The following UBE4B variants were observed in gnomAD, a reference collection of about 807,000 sequenced individuals.
UBE4B encodes the protein ubiquitin conjugation factor E4 B.
In UBE4B, 27 loss-of-function variants were observed where a neutral mutation model predicts 148.1. The ratio of observed to expected loss-of-function variants is 0.18; its 90% CI spans 0.13 to 0.25. UBE4B has a LOEUF of 0.25. Among genes scored for constraint, UBE4B ranks in the 10% least tolerant of loss-of-function variants. The pLI is 1.00. For missense variants in UBE4B, 1,170 were observed against 1,662.4 expected (o/e 0.70, Z 5.15); for synonymous variants, 596 against 619.3 (o/e 0.96, Z 0.56).
chr1:10,172,470 A>T (rs944859101), intron 25 of UBE4B, among the ~76,000 whole-genome samples: 6 of 152,200 alleles, frequency 3.9e-5, no homozygotes, highest in African/African-American at 1.4e-4. Context: ...GGACAGAGGC[A>T]TGATCCATGT....
intron 25 of UBE4B, among the ~76,000 whole-genome samples, chr1:10,173,659 G>T (rs1646371520): frequency 6.6e-6 from 1 of 152,136 alleles, no homozygotes; most frequent in South Asian, 2.1e-4. Flanking sequence ...ACTGTAGCTG[G>T]CGTCTCCAGC....
At chr1:10,100,132 G>A (rs559394546) in intron 3 of UBE4B, among the ~76,000 whole-genome samples, 4 of 152,146 alleles carry the variant, frequency 2.6e-5, no homozygotes, top group South Asian at 4.1e-4. Flanking sequence ...TGGGCCTACA[G>A]GTGCCCACCA....
chr1:10,101,456 A>T (rs1398226899), intron 4 of UBE4B, among the ~76,000 whole-genome samples: 1 of 148,476 alleles, frequency 6.7e-6, no homozygotes, highest in African/African-American at 2.5e-5. Context: ...TGTAATAGGA[A>T]CTAATTTAGA....
Position 10,149,978 on chromosome 1 carries a change from AAAAT to A in UBE4B, c.2690+710_2690+713del, listed in dbSNP as rs970822811. On this transcript the variant is annotated intron_variant, in intron 20 of 27. Coordinates refer to ENST00000343090, the MANE Select transcript of UBE4B (RefSeq NM_001105562.3). ...ATGCAGCAAGTCTGCATCTCTTTAA[AAAAT>A]AAATAAATAAATAGTATAGGTCCCC... 2.2e-4 allele frequency among the ~76,000 whole-genome samples: 33 copies of A among 152,326 alleles called. 1 individual carries two copies. Among genetic ancestry groups the A allele is most frequent in the African/African-American group, 6.7e-4 (28 of 41,576 alleles).
intron 1 of UBE4B, among the ~76,000 whole-genome samples, chr1:10,043,595 T>G (rs546288816): frequency 6.6e-6 from 1 of 151,366 alleles, no homozygotes; most frequent in African/African-American, 2.4e-5. Context: ...CCTGACTAAT[T>G]TTTTTTGTAT....
At chr1:10,060,418 T>C (rs1366996047) in intron 1 of UBE4B, among the ~76,000 whole-genome samples, 1 of 152,016 alleles carries the variant, frequency 6.6e-6, no homozygotes, top group Non-Finnish European at 1.5e-5. Context: ...AAAGGAACAG[T>C]AAAAATATGG....
intron 1 of UBE4B, among the ~76,000 whole-genome samples, chr1:10,057,857 A>T (rs2101806148): frequency 6.6e-6 from 1 of 152,154 alleles, no homozygotes; most frequent in Non-Finnish European, 1.5e-5. Flanking sequence ...GTTCTCAAGG[A>T]GGAGGAAGGT....
intron 3 of UBE4B, chr1:10,100,904 A>AG: frequency 1.9e-6 from 1 of 537,930 alleles, no homozygotes; most frequent in Admixed American, 3.4e-5. Flanking sequence ...CTTAGGAAAA[A>AG]TATTTCCAAC....
intron 2 of UBE4B, among the ~76,000 whole-genome samples, chr1:10,090,139 A>G (rs1462436290): frequency 2.0e-5 from 3 of 149,778 alleles, no homozygotes; most frequent in Admixed American, 6.6e-5. Context: ...TTTTTTTTTT[A>G]GGCATGGTTT....
Position 10,167,486 on chromosome 1 carries a change from AGTT to A in UBE4B, c.3199-649_3199-647del, listed in dbSNP as rs1232449045. Among the ~76,000 whole-genome samples the A allele has an allele frequency of 4.1e-5, 6 of 145,586 alleles. No individual in the cohort carries two copies. In the South Asian group the frequency reaches 1.3e-3, roughly 31 times the overall value. On this transcript the variant is annotated intron_variant, in intron 23 of 27. Transcript: ENST00000343090. ...ATAATAATAATAATGACTAAGTAAA[AGTT>A]ATTATTAAGGGAAATAAACTACCCT...
rs543930707 is a variant in UBE4B at position 10,167,268 on chromosome 1, C to T, written c.3199-868C>T. Among the ~76,000 whole-genome samples, 197 of 151,746 alleles carry T rather than the reference C, an allele frequency of 1.3e-3. 1 individual carries two copies. The East Asian group carries it at 0.026, about 20-fold the overall frequency. ...CAGCCTGACCAACATGGAGAAACCCCGTCTCTACTAAAAATACAGAATTAG... is the reference window on the plus strand; with the variant it reads ...CAGCCTGACCAACATGGAGAAACCCTGTCTCTACTAAAAATACAGAATTAG... On this transcript the variant is annotated intron_variant, in intron 23 of 27. Transcript: ENST00000343090.
At chr1:10,147,480 G>A (rs934874935) in intron 19 of UBE4B, among the ~76,000 whole-genome samples, 1 of 151,930 alleles carries the variant, frequency 6.6e-6, no homozygotes, top group Admixed American at 6.6e-5. Flanking sequence ...GCGACAGAGC[G>A]AGACTCTGTC....
intron 2 of UBE4B, among the ~76,000 whole-genome samples, chr1:10,077,092 CT>C (rs1557533239): frequency 6.6e-6 from 1 of 152,086 alleles, no homozygotes; most frequent in East Asian, 1.9e-4. Flanking sequence ...TTTCCTAGGG[CT>C]GCTGTAACAA....
At chr1:10,152,880 A>G (rs1052361593) in intron 21 of UBE4B, among the ~76,000 whole-genome samples, 6 of 151,828 alleles carry the variant, frequency 4.0e-5, no homozygotes, top group Non-Finnish European at 5.9e-5. Flanking sequence ...CTGGGGACCC[A>G]AGGGAAGAGC....
intron 2 of UBE4B, among the ~76,000 whole-genome samples, chr1:10,081,494 G>T (rs1644679861): frequency 6.6e-6 from 1 of 151,542 alleles, no homozygotes; most frequent in African/African-American, 2.4e-5. Context: ...ATGGAATCTC[G>T]AATCACTGCT....
At chr1:10,089,285 A>G (rs1035025581) in intron 2 of UBE4B, among the ~76,000 whole-genome samples, 2 of 152,168 alleles carry the variant, frequency 1.3e-5, no homozygotes, top group Non-Finnish European at 2.9e-5. Flanking sequence ...GACTACAGGC[A>G]TGAGCCACCG....
At position 10,137,139 on chromosome 1, in the gene UBE4B, A is replaced by G; in HGVS notation, c.2297A>G (p.His766Arg). Residue 766 changes from histidine to arginine, a missense_variant, in exon 17 of 28, where the codon CAC becomes CGC. His to Arg is a conservative substitution (Grantham distance 29). Around this residue, in one of 6 missense-constraint regions of UBE4B, gnomAD observed 388 missense variants for 536.0 expected, o/e 0.72. Coordinates refer to ENST00000343090, the MANE Select transcript of UBE4B (RefSeq NM_001105562.3). ...ECFFLTLHAHHLSILPSCRRY... is the reference protein window; with the variant it reads ...ECFFLTLHAHRLSILPSCRRY... ...TTCTTTCTCACCCTGCATGCTCACCACCTCTCTATTCTGCCTAGTTGCCGT... is the reference window on the plus strand; with the variant it reads ...TTCTTTCTCACCCTGCATGCTCACCGCCTCTCTATTCTGCCTAGTTGCCGT... 6 of 1,613,662 alleles carry G rather than the reference A, an allele frequency of 3.7e-6. No individual in the cohort carries two copies. The highest frequency in any genetic ancestry group is 5.1e-6 in the Non-Finnish European group (6 of 1,179,946).
intron 21 of UBE4B, among the ~76,000 whole-genome samples, chr1:10,151,987 G>A (rs906827937): frequency 6.6e-6 from 1 of 152,064 alleles, no homozygotes; most frequent in Non-Finnish European, 1.5e-5. Flanking sequence ...GTCCGGGTGC[G>A]GTGGCTCATG....
At chr1:10,049,244 C>T (rs141859404) in intron 1 of UBE4B, among the ~76,000 whole-genome samples, 4 of 152,234 alleles carry the variant, frequency 2.6e-5, no homozygotes, top group East Asian at 1.9e-4. Flanking sequence ...AGATGCTGCT[C>T]GAATATGACG....
Sources: allele counts gnomAD v4.1 joint callset (sites outside exome capture counted in the v4.1 genomes callset), GRCh38; gene constraint gnomAD v4.1.1; regional missense constraint gnomAD v4.1.1; transcripts MANE v1.5; gene names NCBI Gene and HGNC (gene_info 2026-07-23, HGNC 2026-07-21).